The following RCAN2 variants were observed in gnomAD, a reference collection of about 807,000 sequenced individuals.
The protein encoded by RCAN2 is regulator of calcineurin 2.
A neutral mutation model predicts 23.6 loss-of-function variants in RCAN2; 9 were observed. The ratio of observed to expected loss-of-function variants is 0.38; its 90% CI spans 0.23 to 0.67. The LOEUF is 0.67. RCAN2 is among the 30% of genes least tolerant of loss of function. The pLI, the probability that RCAN2 is intolerant of heterozygous loss-of-function variation, is 0.51. For synonymous variants in RCAN2, 109 were observed against 115.7 expected (o/e 0.94, Z 0.37); for missense variants, 273 against 302.3 (o/e 0.90, Z 0.72).
intron 1 of RCAN2, among the ~76,000 whole-genome samples, chr6:46,461,469 A>T (rs1320278828): frequency 1.3e-5 from 2 of 152,194 alleles, no homozygotes; most frequent in African/African-American, 4.8e-5. Flanking sequence ...AAACTTCTTT[A>T]GATAAAGAAA....
chr6:46,251,350 T>C (rs1766707977), intron 2 of RCAN2, among the ~76,000 whole-genome samples: 1 of 152,230 alleles, frequency 6.6e-6, no homozygotes, highest in Non-Finnish European at 1.5e-5. Flanking sequence ...TACTCTGAAC[T>C]GGTCAAGTCA....
intron 2 of RCAN2, among the ~76,000 whole-genome samples, chr6:46,368,855 A>G (rs1019282046): frequency 1.3e-5 from 2 of 152,186 alleles, no homozygotes; most frequent in Non-Finnish European, 2.9e-5. Flanking sequence ...CTGTACATGT[A>G]GGCTACACTA....
intron 2 of RCAN2, among the ~76,000 whole-genome samples, chr6:46,303,099 T>C (rs1456758317): frequency 6.6e-6 from 1 of 152,004 alleles, no homozygotes; most frequent in Admixed American, 6.6e-5. Flanking sequence ...TAACTCACTT[T>C]CTGGGTTCAC....
At chr6:46,420,746 C>G (rs1243132411) in intron 2 of RCAN2, among the ~76,000 whole-genome samples, 1 of 151,946 alleles carries the variant, frequency 6.6e-6, no homozygotes, top group Admixed American at 6.6e-5. Flanking sequence ...GGGGTTTTAT[C>G]ATGTTGGCCA....
At chr6:46,298,843 A>T (rs1480372509) in intron 2 of RCAN2, among the ~76,000 whole-genome samples, 2 of 152,242 alleles carry the variant, frequency 1.3e-5, no homozygotes, top group Non-Finnish European at 2.9e-5. Context: ...AATAGCAAAG[A>T]CACGTAATCA....
chr6:46,395,938 C>T (rs1268861816), intron 2 of RCAN2, among the ~76,000 whole-genome samples: 1 of 152,168 alleles, frequency 6.6e-6, no homozygotes, highest in Non-Finnish European at 1.5e-5. Flanking sequence ...TACCCCATGC[C>T]TATATCTTCC....
At chr6:46,376,944 A>G (rs887872885) in intron 2 of RCAN2, among the ~76,000 whole-genome samples, 10 of 151,846 alleles carry the variant, frequency 6.6e-5, no homozygotes, top group African/African-American at 2.4e-4. Flanking sequence ...ATTTGGTGAC[A>G]GATTAAACAC....
intron 1 of RCAN2, among the ~76,000 whole-genome samples, chr6:46,482,900 T>C (rs1267281604): frequency 6.6e-6 from 1 of 152,198 alleles, no homozygotes; most frequent in Non-Finnish European, 1.5e-5. Context: ...TTAAAGGTTA[T>C]TTTAAGGAAC....
intron 2 of RCAN2, among the ~76,000 whole-genome samples, chr6:46,361,376 C>T (rs1477677197): frequency 1.3e-5 from 2 of 152,130 alleles, no homozygotes; most frequent in African/African-American, 2.4e-5. Context: ...TTCCATAATG[C>T]CACAACTCCA....
chr6:46,328,037 G>A (rs1310423473), intron 2 of RCAN2, among the ~76,000 whole-genome samples: 1 of 152,200 alleles, frequency 6.6e-6, no homozygotes, highest in Non-Finnish European at 1.5e-5. Flanking sequence ...ATAAGGGGCT[G>A]TATGAATTAT....
At chr6:46,328,492 C>T (rs1464141667) in intron 2 of RCAN2, among the ~76,000 whole-genome samples, 1 of 152,184 alleles carries the variant, frequency 6.6e-6, no homozygotes, top group Non-Finnish European at 1.5e-5. Context: ...GGGTTTTAAA[C>T]CCCCAACTTA....
chr6:46,286,920 G>C (rs981152109), intron 2 of RCAN2, among the ~76,000 whole-genome samples: 2 of 152,066 alleles, frequency 1.3e-5, no homozygotes, highest in African/African-American at 4.8e-5. Context: ...CAGGAGAATT[G>C]CTTGAACCTG....
At chr6:46,392,649 G>T (rs182184588) in intron 2 of RCAN2, among the ~76,000 whole-genome samples, 2 of 152,248 alleles carry the variant, frequency 1.3e-5, no homozygotes, top group African/African-American at 4.8e-5. Context: ...TTAAAACCTA[G>T]TGGGATATAC....
chr6:46,379,773 G>GT (rs1221248500), intron 2 of RCAN2, among the ~76,000 whole-genome samples: 1 of 152,142 alleles, frequency 6.6e-6, no homozygotes, highest in Admixed American at 6.5e-5. Flanking sequence ...AGAAAGTGTG[G>GT]TTAAGGGTGT....
At chr6:46,316,002 G>A (rs941231889) in intron 2 of RCAN2, among the ~76,000 whole-genome samples, 20 of 152,130 alleles carry the variant, frequency 1.3e-4, no homozygotes, top group Admixed American at 8.5e-4. Flanking sequence ...CCCTGGGAGG[G>A]CCTGTAATTC....
intron 2 of RCAN2, among the ~76,000 whole-genome samples, chr6:46,316,784 G>T (rs1561856232): frequency 6.6e-6 from 1 of 152,146 alleles, no homozygotes; most frequent in South Asian, 2.1e-4. Context: ...AGGAAAGGTA[G>T]GCTGAGATTT....
intron 2 of RCAN2, among the ~76,000 whole-genome samples, chr6:46,415,808 A>C (rs530372883): frequency 6.6e-6 from 1 of 152,238 alleles, no homozygotes; most frequent in Non-Finnish European, 1.5e-5. Context: ...AATGAATTTC[A>C]TATACACTCG....
At chr6:46,415,312 G>GA (rs1157411070) in intron 2 of RCAN2, among the ~76,000 whole-genome samples, 1 of 152,146 alleles carries the variant, frequency 6.6e-6, no homozygotes, top group Non-Finnish European at 1.5e-5. Context: ...GGATTGAATG[G>GA]ACAGTCTGAA....
At chr6:46,469,831 T>C (rs578099902) in intron 1 of RCAN2, among the ~76,000 whole-genome samples, 1 of 152,294 alleles carries the variant, frequency 6.6e-6, no homozygotes, top group East Asian at 1.9e-4. Flanking sequence ...TGAATGAGAT[T>C]AAGGTACTTA....
Sources: allele counts gnomAD v4.1 joint callset (sites outside exome capture counted in the v4.1 genomes callset), GRCh38; gene constraint gnomAD v4.1.1; transcripts MANE v1.5; gene names NCBI Gene and HGNC (gene_info 2026-07-23, HGNC 2026-07-21).